Variants in ABTB3 observed in about 807,000 individuals in gnomAD.
The protein encoded by ABTB3 is ankyrin repeat and BTB domain containing 3.
the ABTB3 span, among the ~76,000 whole-genome samples, chr12:107,396,599 TTA>T: frequency 0.83 from 116,604 of 140,828 alleles, 47,423 homozygotes; most frequent in East Asian, 0.91. Flanking sequence ...TTTTTTTTTT[TTA>T]GCATGGTGAA....
chr12:107,605,041 C>G, the ABTB3 span, among the ~76,000 whole-genome samples: 1 of 152,164 alleles, frequency 6.6e-6, no homozygotes, highest in Admixed American at 6.5e-5. Context: ...TGCAATCTCA[C>G]CATAAATAAA....
At chr12:107,614,963 C>A in the ABTB3 span, 1 of 972,600 alleles carries the variant, frequency 1.0e-6, no homozygotes, top group South Asian at 1.5e-5. Flanking sequence ...GTCTTTTTGT[C>A]CATCTCTAGC....
chr12:107,551,465 C>T, the ABTB3 span, among the ~76,000 whole-genome samples: 1 of 152,200 alleles, frequency 6.6e-6, no homozygotes, highest in Non-Finnish European at 1.5e-5. Context: ...TGCTGTAGCT[C>T]CACTATGTTT....
chr12:107,445,642 T>C, the ABTB3 span, among the ~76,000 whole-genome samples: 1 of 152,144 alleles, frequency 6.6e-6, no homozygotes, highest in Admixed American at 6.5e-5. Flanking sequence ...TATAGGCTTT[T>C]TGTTGCTGCT....
At chr12:107,406,345 G>C in the ABTB3 span, among the ~76,000 whole-genome samples, 1 of 152,174 alleles carries the variant, frequency 6.6e-6, no homozygotes, top group African/African-American at 2.4e-5. Context: ...TGGGAGGATC[G>C]CTTGAGCCTA....
chr12:107,640,814 C>T, the ABTB3 span, among the ~76,000 whole-genome samples: 1 of 152,224 alleles, frequency 6.6e-6, no homozygotes, highest in African/African-American at 2.4e-5. Flanking sequence ...GTGGAGTTAA[C>T]AGACAGTAGT....
chr12:107,585,600 G>A, the ABTB3 span, among the ~76,000 whole-genome samples: 10 of 152,292 alleles, frequency 6.6e-5, no homozygotes, highest in South Asian at 4.2e-4. Context: ...TGAATCTAAC[G>A]AATTGCACCA....
chr12:107,353,333 G>A, the ABTB3 span, among the ~76,000 whole-genome samples: 6 of 152,128 alleles, frequency 3.9e-5, no homozygotes, highest in African/African-American at 1.4e-4. Flanking sequence ...ATAAGTGGAC[G>A]GTTAACAATC....
the ABTB3 span, among the ~76,000 whole-genome samples, chr12:107,484,534 G>A: frequency 6.6e-6 from 1 of 151,998 alleles, no homozygotes; most frequent in African/African-American, 2.4e-5. Flanking sequence ...TAAGGACTTT[G>A]TACTTTATTC....
the ABTB3 span, among the ~76,000 whole-genome samples, chr12:107,364,275 CTTTTCTT>C: frequency 1.3e-3 from 199 of 151,980 alleles, 1 homozygote; most frequent in Non-Finnish European, 2.1e-3. Flanking sequence ...CTCTCAAATA[CTTTTCTT>C]TTTTCTTTTT....
chr12:107,321,748 CTT>C, the ABTB3 span, among the ~76,000 whole-genome samples: 2 of 152,140 alleles, frequency 1.3e-5, no homozygotes, highest in African/African-American at 2.4e-5. Context: ...CTGGATTGCT[CTT>C]TGTTTGAAAC....
At chr12:107,525,394 A>AT in the ABTB3 span, among the ~76,000 whole-genome samples, 2 of 151,014 alleles carry the variant, frequency 1.3e-5, no homozygotes, top group African/African-American at 4.9e-5. Context: ...ATATTACTGC[A>AT]TTTTTTACTG....
chr12:107,567,970 T>C, the ABTB3 span, among the ~76,000 whole-genome samples: 1 of 152,198 alleles, frequency 6.6e-6, no homozygotes, highest in African/African-American at 2.4e-5. Flanking sequence ...TCTTGATGTA[T>C]TGATGTGCTG....
At chr12:107,534,632 A>G in the ABTB3 span, among the ~76,000 whole-genome samples, 2 of 152,210 alleles carry the variant, frequency 1.3e-5, no homozygotes, top group African/African-American at 4.8e-5. Context: ...CGACAGAAAT[A>G]CAAAGGATCA....
the ABTB3 span, among the ~76,000 whole-genome samples, chr12:107,352,373 G>A: frequency 6.6e-6 from 1 of 152,198 alleles, no homozygotes; most frequent in Admixed American, 6.5e-5. Context: ...GGAGGCTAGA[G>A]TGCAGTGGGG....
At chr12:107,320,520 C>T in the ABTB3 span, 6 of 388,154 alleles carry the variant, frequency 1.5e-5, no homozygotes, top group East Asian at 4.1e-4. Context: ...CTCCGCAATC[C>T]AGTGCTCCCA....
chr12:107,558,480 G>A, the ABTB3 span, among the ~76,000 whole-genome samples: 4 of 152,072 alleles, frequency 2.6e-5, no homozygotes, highest in African/African-American at 7.2e-5. Context: ...TGAGAGTGTC[G>A]GGGAGAAGAT....
the ABTB3 span, among the ~76,000 whole-genome samples, chr12:107,631,625 G>A: frequency 2.6e-5 from 4 of 152,230 alleles, no homozygotes; most frequent in South Asian, 2.1e-4. Context: ...GGCTCCTCTC[G>A]ATAGAGGCAG....
chr12:107,473,121 T>C, the ABTB3 span, among the ~76,000 whole-genome samples: 1 of 152,204 alleles, frequency 6.6e-6, no homozygotes, highest in African/African-American at 2.4e-5. Flanking sequence ...TTTTCTCTTT[T>C]CATTCGTGAA....
Sources: allele counts gnomAD v4.1 joint callset (sites outside exome capture counted in the v4.1 genomes callset), GRCh38; gene constraint gnomAD v4.1.1; transcripts MANE v1.5; gene names NCBI Gene and HGNC (gene_info 2026-07-23, HGNC 2026-07-21).